Variants in EEFSEC observed in about 807,000 individuals in gnomAD.
EEFSEC encodes selenocysteine-specific elongation factor.
In EEFSEC, 43 loss-of-function variants were observed where a neutral mutation model predicts 42.1. The observed-to-expected ratio is 1.02, with a 90% CI of 0.80 to 1.32. The LOEUF (loss-of-function observed/expected upper bound fraction) is 1.32. EEFSEC is among the 40% of genes most tolerant of loss of function. The pLI is 0.00. For synonymous variants in EEFSEC, 354 were observed against 339.1 expected, an observed-to-expected ratio of 1.04 and a Z score of -0.48; for missense variants, 745 against 803.6, an observed-to-expected ratio of 0.93 and a Z score of 0.88.
At chr3:128,345,397 G>C (rs972884949) in intron 5 of EEFSEC, among the ~76,000 whole-genome samples, 1 of 152,192 alleles carries the variant, frequency 6.6e-6, no homozygotes, top group East Asian at 1.9e-4. Flanking sequence ...AGAGGGAGGG[G>C]CTGAGAGTCT....
At chr3:128,206,356 T>A (rs1178387026) in intron 1 of EEFSEC, among the ~76,000 whole-genome samples, 4 of 152,178 alleles carry the variant, frequency 2.6e-5, no homozygotes, top group African/African-American at 9.7e-5. Context: ...ATCATTAACC[T>A]CCCAAAATTA....
chr3:128,210,311 A>G (rs4276201), intron 1 of EEFSEC, among the ~76,000 whole-genome samples: 19,802 of 152,120 alleles, frequency 0.13, 3,286 homozygotes, highest in East Asian at 0.37. Context: ...AGGCAGATTG[A>G]GTAGTTGGCA....
chr3:128,425,834 G>A, the EEFSEC span, among the ~76,000 whole-genome samples: 1 of 152,196 alleles, frequency 6.6e-6, no homozygotes, highest in African/African-American at 2.4e-5. Flanking sequence ...TGCTAACAGG[G>A]TGACTGGGGC....
chr3:128,187,006 C>T (rs1429335147), intron 1 of EEFSEC, among the ~76,000 whole-genome samples: 1 of 152,194 alleles, frequency 6.6e-6, no homozygotes, highest in Non-Finnish European at 1.5e-5. Context: ...CTCATGGCCA[C>T]AGGAGTGGTA....
At chr3:128,263,075 G>A (rs533702762) in intron 3 of EEFSEC, among the ~76,000 whole-genome samples, 1 of 152,298 alleles carries the variant, frequency 6.6e-6, no homozygotes, top group African/African-American at 2.4e-5. Context: ...GAGTTAATGT[G>A]TATAATGTGC....
intron 1 of EEFSEC, among the ~76,000 whole-genome samples, chr3:128,156,717 C>T (rs181861417): frequency 6.6e-6 from 1 of 152,332 alleles, no homozygotes; most frequent in African/African-American, 2.4e-5. Context: ...ATGTCACAAA[C>T]AATGCTTATG....
chr3:128,285,586 TCC>T (rs752386209), intron 4 of EEFSEC, among the ~76,000 whole-genome samples: 4 of 152,242 alleles, frequency 2.6e-5, no homozygotes, highest in Non-Finnish European at 4.4e-5. Context: ...GCCTGCAGGA[TCC>T]TCTGTGTTTG....
At chr3:128,228,282 G>T (rs2065927657) in intron 1 of EEFSEC, among the ~76,000 whole-genome samples, 1 of 152,184 alleles carries the variant, frequency 6.6e-6, no homozygotes, top group African/African-American at 2.4e-5. Flanking sequence ...GGATTGTGGG[G>T]CTCTGAGGAG....
At chr3:128,411,816 G>T (rs563387460), downstream of EEFSEC, among the ~76,000 whole-genome samples, 5 of 152,234 alleles carry the variant, frequency 3.3e-5, no homozygotes, top group Non-Finnish European at 7.3e-5. Context: ...GGGGCCTGGG[G>T]CAGGAGAAGG....
At chr3:128,258,711 T>C (rs1007626916) in intron 2 of EEFSEC, among the ~76,000 whole-genome samples, 1 of 152,246 alleles carries the variant, frequency 6.6e-6, no homozygotes, top group East Asian at 1.9e-4. Flanking sequence ...TTGGGTACTA[T>C]AATTATAGCT....
chr3:128,316,504 A>C (rs9681764), intron 4 of EEFSEC, among the ~76,000 whole-genome samples: 3 of 152,114 alleles, frequency 2.0e-5, no homozygotes, highest in African/African-American at 7.2e-5. Flanking sequence ...TCCCCTTATG[A>C]TCGACAGGCA....
At chr3:128,362,973 T>A (rs1341878149) in intron 6 of EEFSEC, among the ~76,000 whole-genome samples, 1 of 151,976 alleles carries the variant, frequency 6.6e-6, no homozygotes, top group Non-Finnish European at 1.5e-5. Flanking sequence ...GTACTCCAGA[T>A]GAGAAAAAGA....
At chr3:128,223,982 T>TAA (rs11410600) in intron 1 of EEFSEC, among the ~76,000 whole-genome samples, 5 of 151,438 alleles carry the variant, frequency 3.3e-5, no homozygotes, top group East Asian at 1.9e-4. Flanking sequence ...ATGTTCCATT[T>TAA]AAAAAAAAAA....
Position 128,223,828 on chromosome 3 carries a change from G to A in EEFSEC, c.317-23008G>A, listed in dbSNP as rs144192576. Among the ~76,000 whole-genome samples the A allele has an allele frequency of 4.7e-3, 718 of 152,176 alleles. 5 individuals are homozygous for A. The highest frequency in any genetic ancestry group is 0.027 in the Middle Eastern group (8 of 294). On this transcript the variant is annotated intron_variant, in intron 1 of 6. Coordinates refer to ENST00000254730, the MANE Select transcript of EEFSEC (RefSeq NM_021937.5). The stretch of plus-strand genomic sequence containing the variant: ...ACTGCAGGAAAACCAGAAAACAAGC[G>A]AAGAAAACAGGAAAAGAAGAAATCA...
At chr3:128,300,818 A>G (rs533525249) in intron 4 of EEFSEC, among the ~76,000 whole-genome samples, 3 of 152,274 alleles carry the variant, frequency 2.0e-5, no homozygotes, top group African/African-American at 7.2e-5. Context: ...TTGAAAATTT[A>G]CTCTTCCAGA....
At chr3:128,345,060 G>A (rs562275492) in intron 5 of EEFSEC, among the ~76,000 whole-genome samples, 1 of 152,264 alleles carries the variant, frequency 6.6e-6, no homozygotes, top group South Asian at 2.1e-4. Context: ...GTGCAAGCCT[G>A]GGCTTTATTT....
intron 5 of EEFSEC, among the ~76,000 whole-genome samples, chr3:128,351,701 G>T (rs574967301): frequency 1.3e-4 from 20 of 152,334 alleles, no homozygotes; most frequent in African/African-American, 4.8e-4. Flanking sequence ...ATATGCACCG[G>T]CAGCCAAGTC....
At chr3:128,307,210 A>C (rs1294194131) in intron 4 of EEFSEC, among the ~76,000 whole-genome samples, 1 of 152,218 alleles carries the variant, frequency 6.6e-6, no homozygotes, top group Non-Finnish European at 1.5e-5. Flanking sequence ...CCCTCTGAGC[A>C]CTGTTTCTAG....
At chr3:128,363,254 G>A (rs1050788879) in intron 6 of EEFSEC, among the ~76,000 whole-genome samples, 1 of 152,242 alleles carries the variant, frequency 6.6e-6, no homozygotes, top group Non-Finnish European at 1.5e-5. Context: ...GCCAGGGCTA[G>A]GATAGTCTGT....
Sources: allele counts gnomAD v4.1 joint callset (sites outside exome capture counted in the v4.1 genomes callset), GRCh38; gene constraint gnomAD v4.1.1; transcripts MANE v1.5; gene names NCBI Gene and HGNC (gene_info 2026-07-23, HGNC 2026-07-21).